Variants in LTBP1 observed in about 807,000 individuals in gnomAD.
The protein encoded by LTBP1 is latent-transforming growth factor beta-binding protein 1.
LTBP1 carries 129 observed loss-of-function variants against 207.6 expected under a neutral mutation model. The ratio of observed to expected loss-of-function variants is 0.62; its 90% CI spans 0.54 to 0.72. LTBP1 has a LOEUF of 0.72. Among genes scored for constraint, LTBP1 ranks in the 30% least tolerant of loss-of-function variants. LTBP1 has a pLI of 0.00. For synonymous variants in LTBP1, 963 were observed against 833.7 expected, an observed-to-expected ratio of 1.16 and a Z score of -2.67; for missense variants, 2,281 against 2,217.2, an observed-to-expected ratio of 1.03 and a Z score of -0.58.
chr2:32,964,399 T>C (rs1017095090), intron 2 of LTBP1, among the ~76,000 whole-genome samples: 1 of 152,188 alleles, frequency 6.6e-6, no homozygotes, highest in Non-Finnish European at 1.5e-5. Context: ...TGCAAAGACA[T>C]GTCACTTGAA....
chr2:33,013,872 A>G (rs958212047), intron 2 of LTBP1, among the ~76,000 whole-genome samples: 10 of 150,756 alleles, frequency 6.6e-5, no homozygotes, highest in Non-Finnish European at 4.4e-5. Flanking sequence ...TGTACTTGAC[A>G]TAAAGGCATT....
At chr2:33,022,447 G>C (rs1356230871) in intron 3 of LTBP1, among the ~76,000 whole-genome samples, 1 of 152,106 alleles carries the variant, frequency 6.6e-6, no homozygotes, top group Non-Finnish European at 1.5e-5. Flanking sequence ...CTAATACTTA[G>C]TAAGGGCTTA....
intron 9 of LTBP1, among the ~76,000 whole-genome samples, chr2:33,230,500 A>C (rs1342247490): frequency 6.6e-6 from 1 of 152,192 alleles, no homozygotes; most frequent in Non-Finnish European, 1.5e-5. Flanking sequence ...TTCATTTATC[A>C]TAACAAACAA....
chr2:33,339,020 G>A (rs1338308369), intron 24 of LTBP1, among the ~76,000 whole-genome samples: 1 of 151,832 alleles, frequency 6.6e-6, no homozygotes, highest in African/African-American at 2.4e-5. Flanking sequence ...GAGCACATTG[G>A]CAGTTTTAGG....
rs1052096248 is a variant in LTBP1 at position 33,228,048 on chromosome 2, G to A, written c.1876+5897G>A. 1.2e-3 allele frequency among the ~76,000 whole-genome samples: 183 copies of A among 151,772 alleles called. 1 individual carries two copies. Among genetic ancestry groups the A allele is most frequent in the African/African-American group, 4.1e-3 (171 of 41,424 alleles). ...TCTTGATCTCCTGACCTCGTGATCC[G>A]CCCGCCTCGGCCTCCCAAAGTGCTG... is the stretch of plus-strand genomic sequence containing the variant. On this transcript the variant is annotated intron_variant, in intron 9 of 33. Coordinates refer to ENST00000404816, the MANE Select transcript of LTBP1 (RefSeq NM_206943.4).
At chr2:33,221,321 G>C (rs1274318440) in intron 8 of LTBP1, among the ~76,000 whole-genome samples, 1 of 152,182 alleles carries the variant, frequency 6.6e-6, no homozygotes, top group Non-Finnish European at 1.5e-5. Flanking sequence ...TGTTTCCCAA[G>C]GTCACAGCTA....
intron 8 of LTBP1, among the ~76,000 whole-genome samples, chr2:33,221,772 G>A (rs924167860): frequency 6.6e-6 from 1 of 152,110 alleles, no homozygotes; most frequent in Non-Finnish European, 1.5e-5. Flanking sequence ...TCAATGGGGA[G>A]GAATAGATCC....
chr2:33,201,780 ACT>A (rs1358027964), intron 7 of LTBP1, among the ~76,000 whole-genome samples: 2 of 151,826 alleles, frequency 1.3e-5, no homozygotes, highest in African/African-American at 2.4e-5. Context: ...CATTGTGAAA[ACT>A]CTTTTTTCCT....
intron 22 of LTBP1, 116 bp downstream of exon 22, chr2:33,301,760 G>A: frequency 2.2e-6 from 2 of 930,120 alleles, no homozygotes; most frequent in East Asian, 5.7e-5. Context: ...GAAGACATTA[G>A]GTCCCTGCAA....
At chr2:33,158,508 C>G (rs1314986741) in intron 5 of LTBP1, among the ~76,000 whole-genome samples, 2 of 152,106 alleles carry the variant, frequency 1.3e-5, no homozygotes, top group Non-Finnish European at 2.9e-5. Flanking sequence ...CAGGGCATCC[C>G]AGATGAAGCC....
chr2:33,344,166 T>A (rs7560706), intron 25 of LTBP1, among the ~76,000 whole-genome samples: 28,813 of 152,212 alleles, frequency 0.19, 4,410 homozygotes, highest in African/African-American at 0.42. Flanking sequence ...AAAAATTATT[T>A]ACAAAGCAAT....
At chr2:33,225,912 T>G (rs1199504552) in intron 9 of LTBP1, among the ~76,000 whole-genome samples, 1 of 152,196 alleles carries the variant, frequency 6.6e-6, no homozygotes, top group East Asian at 1.9e-4. Flanking sequence ...TGACAGGATT[T>G]CATTCATTTT....
chr2:33,194,696 A>G (rs549400716), intron 7 of LTBP1, among the ~76,000 whole-genome samples: 80 of 152,372 alleles, frequency 5.3e-4, no homozygotes, highest in African/African-American at 1.8e-3. Flanking sequence ...AAGGAGAAGC[A>G]GCAAGTACTG....
chr2:33,378,185 ATGTGTGTGTGTGTGTG>A (rs57388002), intron 31 of LTBP1, among the ~76,000 whole-genome samples: 34 of 132,042 alleles, frequency 2.6e-4, no homozygotes, highest in African/African-American at 7.8e-4. Context: ...ATATATATAT[ATGTGTGTGTGTGTGTG>A]TGTGTGTGTG....
intron 5 of LTBP1, among the ~76,000 whole-genome samples, chr2:33,136,014 C>T (rs1028327757): frequency 6.6e-6 from 1 of 152,076 alleles, no homozygotes; most frequent in African/African-American, 2.4e-5. Context: ...TGATTTACAT[C>T]AAGACAAAAT....
Position 33,209,766 on chromosome 2 carries a change from A to G in LTBP1, c.1702-7786A>G, listed in dbSNP as rs143660397. On this transcript the variant is annotated intron_variant, in intron 7 of 33. Transcript: ENST00000404816. ...ACTAGATTAATTGCTCTTTTGTTAA[A>G]TAAGCCCAGGTTTTTAAAGGAGGAG... Among the ~76,000 whole-genome samples, 1,382 of 152,342 alleles carry G rather than the reference A, an allele frequency of 9.1e-3. 7 individuals carry two copies. Among genetic ancestry groups the G allele is most frequent in the Non-Finnish European group, 0.014 (937 of 68,030 alleles).
rs1038316454 is a variant in LTBP1 at position 32,981,460 on chromosome 2, C to T, written c.565+32515C>T. Among the ~76,000 whole-genome samples, 10 of 152,264 alleles carry T rather than the reference C, an allele frequency of 6.6e-5. No homozygotes were observed. In the South Asian group the frequency reaches 1.9e-3, roughly 28 times the overall value. The stretch of plus-strand genomic sequence containing the variant: ...ATCTCACTTTTGCTTTGTTACCTCA[C>T]TTTTCTGATGGATCTATGCAGAGTT... On this transcript the variant is annotated intron_variant, in intron 2 of 33. Transcript: ENST00000404816.
At chr2:33,342,673 T>C (rs976069101) in intron 24 of LTBP1, among the ~76,000 whole-genome samples, 165 bp from the exon 25 acceptor site, 1 of 152,264 alleles carries the variant, frequency 6.6e-6, no homozygotes. Context: ...TCAAAACATT[T>C]TATTTATATG....
intron 20 of LTBP1, among the ~76,000 whole-genome samples, chr2:33,296,660 C>G (rs1573684288): frequency 1.3e-5 from 2 of 152,006 alleles, no homozygotes; most frequent in Admixed American, 1.3e-4. Flanking sequence ...GTTGGGGAGA[C>G]AAGACAACTA....
Sources: allele counts gnomAD v4.1 joint callset (sites outside exome capture counted in the v4.1 genomes callset), GRCh38; gene constraint gnomAD v4.1.1; transcripts MANE v1.5; gene names NCBI Gene and HGNC (gene_info 2026-07-23, HGNC 2026-07-21).